CDK14: variants seen among roughly 807,000 people sequenced by gnomAD.
CDK14 encodes cyclin dependent kinase 14.
In CDK14, 34 loss-of-function variants were observed where a neutral mutation model predicts 60.7. That is an observed-to-expected ratio of 0.56 (90% CI 0.43 to 0.75). The LOEUF (loss-of-function observed/expected upper bound fraction) is 0.75, where lower values mean the gene tolerates loss of function less well. Ranked by LOEUF, CDK14 falls within the 30% of genes least tolerant of loss-of-function variation. The pLI, the probability that CDK14 is intolerant of heterozygous loss-of-function variation, is 0.00. For missense variants in CDK14, 482 were observed against 564.1 expected (o/e 0.85, Z 1.47); for synonymous variants, 197 against 203.7 (o/e 0.97, Z 0.28).
chr7:91,005,621 A>G (rs1170258168), intron 10 of CDK14, among the ~76,000 whole-genome samples: 1 of 152,230 alleles, frequency 6.6e-6, no homozygotes, highest in Non-Finnish European at 1.5e-5. Context: ...TCCAAGCAAG[A>G]TGACAGCTGA....
intron 2 of CDK14, among the ~76,000 whole-genome samples, chr7:90,625,459 G>A (rs1046799995): frequency 1.3e-5 from 2 of 152,194 alleles, no homozygotes; most frequent in African/African-American, 2.4e-5. Context: ...CCTAATGAAA[G>A]CAATTCAAAA....
intron 9 of CDK14, among the ~76,000 whole-genome samples, chr7:90,976,286 C>CT (rs1377262670): frequency 3.3e-5 from 5 of 152,046 alleles, no homozygotes; most frequent in African/African-American, 1.2e-4. Context: ...ATGTTGAGCA[C>CT]TTTTTCATGT....
intron 8 of CDK14, among the ~76,000 whole-genome samples, chr7:90,952,687 A>G (rs1794297470): frequency 6.6e-6 from 1 of 152,202 alleles, no homozygotes; most frequent in Non-Finnish European, 1.5e-5. Flanking sequence ...CAAACTAAAC[A>G]TTAATATAAG....
chr7:90,902,340 A>G (rs186789805), intron 7 of CDK14, among the ~76,000 whole-genome samples: 2 of 152,290 alleles, frequency 1.3e-5, no homozygotes, highest in African/African-American at 4.8e-5. Flanking sequence ...GTGACTTCAA[A>G]GTACACTACA....
At position 91,205,504 on chromosome 7, in the gene CDK14, T is replaced by C. The variant is rs558984568; in HGVS notation, c.*29-1661T>C. 2.2e-3 allele frequency among the ~76,000 whole-genome samples: 338 copies of C among 152,174 alleles called. 1 individual carries two copies. Among genetic ancestry groups the C allele is most frequent in the Middle Eastern group, 0.01 (3 of 294 alleles). ...AGGTAAATCCATAGAGACAGAAACA[T>C]TAGTATTAATAGTTGTCAGGGGCTG... is the stretch of plus-strand genomic sequence containing the variant. On this transcript the variant is annotated intron_variant, in intron 14 of 14. Transcript: ENST00000380050.
chr7:91,000,561 G>T (rs1402198857), intron 10 of CDK14, among the ~76,000 whole-genome samples: 1 of 152,192 alleles, frequency 6.6e-6, no homozygotes, highest in Non-Finnish European at 1.5e-5. Flanking sequence ...TTATTAAGGT[G>T]TTGCTACAAT....
At chr7:90,708,695 T>C (rs1359411714) in intron 2 of CDK14, among the ~76,000 whole-genome samples, 1 of 152,212 alleles carries the variant, frequency 6.6e-6, no homozygotes, top group African/African-American at 2.4e-5. Context: ...CATCATTGTA[T>C]ACCCTAGTTT....
At chr7:91,084,692 G>A (rs1231767570) in intron 12 of CDK14, among the ~76,000 whole-genome samples, 1 of 152,164 alleles carries the variant, frequency 6.6e-6, no homozygotes, top group Non-Finnish European at 1.5e-5. Flanking sequence ...TTATCTGTTG[G>A]ACACGCGTTT....
chr7:90,973,653 A>G (rs892505547), intron 9 of CDK14, among the ~76,000 whole-genome samples: 4 of 152,180 alleles, frequency 2.6e-5, no homozygotes, highest in African/African-American at 9.7e-5. Context: ...GAGAAATTTT[A>G]CAGCTGGGCC....
intron 8 of CDK14, among the ~76,000 whole-genome samples, chr7:90,945,753 G>C (rs1241194974): frequency 6.6e-6 from 1 of 152,180 alleles, no homozygotes; most frequent in African/African-American, 2.4e-5. Context: ...GGGTGAAGGA[G>C]AGTCAAGAAT....
chr7:91,194,735 T>C (rs1297242521), intron 14 of CDK14, among the ~76,000 whole-genome samples: 1 of 152,216 alleles, frequency 6.6e-6, no homozygotes, highest in African/African-American at 2.4e-5. Flanking sequence ...GTAAGATCTT[T>C]CTGGGATGTG....
chr7:90,782,227 T>C (rs1207934256), intron 4 of CDK14, among the ~76,000 whole-genome samples: 1 of 152,176 alleles, frequency 6.6e-6, no homozygotes, highest in East Asian at 1.9e-4. Flanking sequence ...TTGTCTATTA[T>C]TGGTGTATAA....
chr7:90,645,761 T>A (rs561387216), intron 2 of CDK14, among the ~76,000 whole-genome samples: 28 of 152,332 alleles, frequency 1.8e-4, no homozygotes, highest in African/African-American at 6.5e-4. Context: ...GCAAGCCCAC[T>A]TCAAGATACA....
chr7:91,118,365 G>T (rs952219557), intron 14 of CDK14, among the ~76,000 whole-genome samples, 157 bp downstream of exon 14: 4 of 152,100 alleles, frequency 2.6e-5, no homozygotes, highest in African/African-American at 9.7e-5. Flanking sequence ...AATGCACTCA[G>T]TCATTTCCAT....
intron 7 of CDK14, among the ~76,000 whole-genome samples, chr7:90,902,400 T>A (rs1792538288): frequency 6.6e-6 from 1 of 152,094 alleles, no homozygotes. Flanking sequence ...AAGAGACACC[T>A]ATGTGTCTGA....
chr7:91,128,194 G>A (rs1397021956), intron 14 of CDK14, among the ~76,000 whole-genome samples: 2 of 152,138 alleles, frequency 1.3e-5, no homozygotes, highest in Non-Finnish European at 2.9e-5. Flanking sequence ...TGAGGCAGTT[G>A]TTAAATAGCC....
At chr7:90,783,953 G>T (rs546790532) in intron 4 of CDK14, among the ~76,000 whole-genome samples, 44 of 152,228 alleles carry the variant, frequency 2.9e-4, no homozygotes, top group Non-Finnish European at 5.1e-4. Flanking sequence ...AAATCAATAT[G>T]TGGAAGAGAT....
At chr7:90,658,471 G>A (rs1009466276) in intron 2 of CDK14, among the ~76,000 whole-genome samples, 2 of 152,126 alleles carry the variant, frequency 1.3e-5, no homozygotes, top group Admixed American at 6.5e-5. Flanking sequence ...CCCAGGGCCC[G>A]CCTCGTAATA....
intron 4 of CDK14, among the ~76,000 whole-genome samples, chr7:90,779,515 A>G (rs924444397): frequency 5.9e-5 from 9 of 152,238 alleles, no homozygotes; most frequent in Middle Eastern, 3.4e-3. Flanking sequence ...CAGCCTCCCT[A>G]TTTCTTTTAT....
Sources: allele counts gnomAD v4.1 joint callset (sites outside exome capture counted in the v4.1 genomes callset), GRCh38; gene constraint gnomAD v4.1.1; transcripts MANE v1.5; gene names NCBI Gene and HGNC (gene_info 2026-07-23, HGNC 2026-07-21).